Variants in THSD4 observed in about 807,000 individuals in gnomAD.
THSD4 encodes the protein thrombospondin type-1 domain-containing protein 4.
A neutral mutation model predicts 119.0 loss-of-function variants in THSD4; 69 were observed. The ratio of observed to expected loss-of-function variants is 0.58; its 90% confidence interval spans 0.48 to 0.71. The LOEUF (loss-of-function observed/expected upper bound fraction) is 0.71, where lower values mean the gene tolerates loss of function less well. Among genes scored for constraint, THSD4 ranks in the 30% least tolerant of loss-of-function variants. THSD4 has a pLI of 0.00. For missense variants in THSD4, 1,393 were observed against 1,391.1 expected (o/e 1.00, Z -0.02); for synonymous variants, 524 against 540.4 (o/e 0.97, Z 0.42).
At chr15:71,138,615 C>G (rs570744984) in intron 1 of THSD4, among the ~76,000 whole-genome samples, 1 of 152,028 alleles carries the variant, frequency 6.6e-6, no homozygotes, top group East Asian at 1.9e-4. Flanking sequence ...TCCTCCCACT[C>G]CTCACAAGAG....
chr15:71,563,653 T>C (rs2049170888), intron 7 of THSD4, among the ~76,000 whole-genome samples: 1 of 152,212 alleles, frequency 6.6e-6, no homozygotes, highest in Non-Finnish European at 1.5e-5. Flanking sequence ...TTTTATTGGG[T>C]CCAAATAACC....
intron 6 of THSD4, chr15:71,341,528 T>C (rs879081453): frequency 1.9e-6 from 3 of 1,611,938 alleles, no homozygotes; most frequent in South Asian, 1.1e-5. Flanking sequence ...ACCGTTGTAA[T>C]GTCGGAATGG....
At position 71,541,986 on chromosome 15, in the gene THSD4, A is replaced by G. The variant is rs558540816; in HGVS notation, c.1153-118544A>G. ...TATTGCAAACAGTCTTGTAATTGTC[A>G]TATGAAGGGATTTGGACTTCATCCC... On this transcript the variant is annotated intron_variant, in intron 7 of 17. Coordinates refer to ENST00000261862, the MANE Select transcript of THSD4 (RefSeq NM_024817.3). 5.3e-5 allele frequency among the ~76,000 whole-genome samples: 8 copies of G among 152,352 alleles called. No homozygotes were observed. The East Asian group carries it at 1.5e-3, about 29-fold the overall frequency.
At chr15:71,252,136 T>C (rs1303032323) in intron 5 of THSD4, among the ~76,000 whole-genome samples, 2 of 152,258 alleles carry the variant, frequency 1.3e-5, no homozygotes, top group Admixed American at 6.5e-5. Context: ...TTCCCCTGTC[T>C]CAGTTTTCTG....
intron 7 of THSD4, among the ~76,000 whole-genome samples, chr15:71,658,902 C>G (rs5001850): frequency 0.26 from 39,535 of 151,918 alleles, 5,907 homozygotes; most frequent in East Asian, 0.69. Flanking sequence ...CAATAATGCC[C>G]AAGGGCAGTG....
chr15:71,498,821 A>G (rs964578052), intron 7 of THSD4, among the ~76,000 whole-genome samples: 6 of 149,784 alleles, frequency 4.0e-5, no homozygotes, highest in Admixed American at 2.7e-4. Context: ...TCAGCCTCCC[A>G]AGTAGCTGGG....
Position 71,757,904 on chromosome 15 carries a change from C to A in THSD4, c.2418C>A (p.Cys806Ter), listed in dbSNP as rs199839802. 6.0e-5 allele frequency: 97 copies of A among 1,613,374 alleles called. No homozygotes were observed. Among genetic ancestry groups the A allele is most frequent in the Admixed American group, 1.3e-4 (8 of 60,018 alleles). The change falls in exon 15 of 18, where the codon TGC becomes TGA. Residue 806 changes from cysteine to a stop codon, truncating the protein, a stop_gained and splice_region_variant. Transcript: ENST00000261862. LOFTEE classifies it high-confidence loss of function. ...SWFLTEWSER[C>*]SAECGAGVRT... ...TGTGCCCTTCCCCTGTCTCACAGTG[C>A]TCAGCGGAGTGTGGGGCCGGAGTGC...
At chr15:71,453,934 C>A (rs1256400086) in intron 7 of THSD4, among the ~76,000 whole-genome samples, 1 of 152,082 alleles carries the variant, frequency 6.6e-6, no homozygotes, top group African/African-American at 2.4e-5. Context: ...GAAAGAATTG[C>A]ATGGAAAATA....
At chr15:71,464,892 C>A (rs1040835368) in intron 7 of THSD4, among the ~76,000 whole-genome samples, 1 of 152,152 alleles carries the variant, frequency 6.6e-6, no homozygotes, top group African/African-American at 2.4e-5. Context: ...ACCCCCTCCC[C>A]CTTAAGTCCT....
At chr15:71,508,093 G>A (rs1322117400) in intron 7 of THSD4, among the ~76,000 whole-genome samples, 1 of 152,196 alleles carries the variant, frequency 6.6e-6, no homozygotes, top group Non-Finnish European at 1.5e-5. Context: ...AAGGGGGCGG[G>A]AGGACCACTT....
intron 8 of THSD4, among the ~76,000 whole-genome samples, chr15:71,664,669 C>A (rs1269796010): frequency 6.6e-6 from 1 of 151,992 alleles, no homozygotes; most frequent in Non-Finnish European, 1.5e-5. Context: ...TCAAGTAGGC[C>A]CTAGTGTCTG....
chr15:71,367,003 CAT>C (rs1474615427), intron 6 of THSD4, among the ~76,000 whole-genome samples: 2 of 152,218 alleles, frequency 1.3e-5, no homozygotes, highest in Non-Finnish European at 2.9e-5. Context: ...TTTCTCAAAA[CAT>C]ATTCCATCTT....
At chr15:71,610,190 G>A (rs1235587442) in intron 7 of THSD4, among the ~76,000 whole-genome samples, 2 of 152,222 alleles carry the variant, frequency 1.3e-5, no homozygotes, top group Non-Finnish European at 2.9e-5. Flanking sequence ...CAGCACTGAT[G>A]TTTCAGAGGA....
chr15:71,555,392 A>G lies in THSD4; in HGVS notation c.1153-105138A>G, dbSNP rs919739456. The stretch of plus-strand genomic sequence containing the variant: ...GTGTATGCTAATGGACATTTCTCTG[A>G]TCATTAACTATTGATATTGTATAAT... On this transcript the variant is annotated intron_variant, in intron 7 of 17. Coordinates refer to ENST00000261862, the MANE Select transcript of THSD4 (RefSeq NM_024817.3). 5.9e-5 allele frequency among the ~76,000 whole-genome samples: 9 copies of G among 152,340 alleles called. No individual in the cohort carries two copies. The South Asian group carries it at 6.2e-4, about 11-fold the overall frequency.
At chr15:71,424,190 T>C (rs1018611697) in intron 7 of THSD4, among the ~76,000 whole-genome samples, 5 of 152,102 alleles carry the variant, frequency 3.3e-5, no homozygotes, top group African/African-American at 1.2e-4. Context: ...TTTTAATAAA[T>C]GGTTGTTAAA....
intron 6 of THSD4, among the ~76,000 whole-genome samples, chr15:71,285,452 G>A (rs117113653): frequency 3.9e-3 from 600 of 152,232 alleles, no homozygotes; most frequent in Non-Finnish European, 7.1e-3. Context: ...CATGAATTGC[G>A]CTTCACCTCC....
intron 8 of THSD4, among the ~76,000 whole-genome samples, chr15:71,711,147 C>T (rs2052506922): frequency 6.7e-6 from 1 of 149,728 alleles, no homozygotes; most frequent in Admixed American, 6.7e-5. Context: ...ATGAAATACA[C>T]ATGGCAAATA....
intron 7 of THSD4, among the ~76,000 whole-genome samples, chr15:71,436,398 A>G (rs139158401): frequency 8.1e-4 from 123 of 152,358 alleles, no homozygotes; most frequent in Admixed American, 2.6e-3. Flanking sequence ...TAGTCAAACA[A>G]GTGCTTTTCT....
intron 8 of THSD4, among the ~76,000 whole-genome samples, chr15:71,725,728 G>A (rs1049224861): frequency 1.3e-5 from 2 of 152,182 alleles, no homozygotes; most frequent in Non-Finnish European, 2.9e-5. Flanking sequence ...ATGGAATGAT[G>A]GAGGCAGAAG....
Sources: allele counts gnomAD v4.1 joint callset (sites outside exome capture counted in the v4.1 genomes callset), GRCh38; gene constraint gnomAD v4.1.1; transcripts MANE v1.5; gene names NCBI Gene and HGNC (gene_info 2026-07-23, HGNC 2026-07-21).